JARID2: variants seen among roughly 807,000 people sequenced by gnomAD.
JARID2 encodes jumonji and AT-rich interaction domain containing 2.
JARID2 carries 21 observed loss-of-function variants against 125.6 expected under a neutral mutation model. The ratio of observed to expected loss-of-function variants is 0.17; its 90% confidence interval spans 0.12 to 0.24. The LOEUF is 0.24. JARID2 is among the 10% of genes least tolerant of loss of function. The probability of loss-of-function intolerance (pLI) is 1.00; values close to 1 mark genes in which losing one functional copy is unlikely to be tolerated. For synonymous variants in JARID2, 736 were observed against 661.6 expected, an observed-to-expected ratio of 1.11 and a Z score of -1.73; for missense variants, 1,303 against 1,639.6, an observed-to-expected ratio of 0.79 and a Z score of 3.55.
At chr6:15,312,618 C>G (rs1011233942) in intron 1 of JARID2, among the ~76,000 whole-genome samples, 4 of 152,156 alleles carry the variant, frequency 2.6e-5, no homozygotes, top group African/African-American at 9.7e-5. Flanking sequence ...GTGTCTACAT[C>G]CCTTCACTTT....
intron 1 of JARID2, among the ~76,000 whole-genome samples, chr6:15,293,936 G>A (rs1453346102): frequency 6.6e-6 from 1 of 152,208 alleles, no homozygotes; most frequent in Non-Finnish European, 1.5e-5. Context: ...TGCCTGCTCC[G>A]GAAGTTGATC....
chr6:15,335,860 G>T (rs1762859129), intron 1 of JARID2, among the ~76,000 whole-genome samples: 1 of 152,006 alleles, frequency 6.6e-6, no homozygotes, highest in Non-Finnish European at 1.5e-5. Flanking sequence ...TGGGAGTCTG[G>T]GGGACGGATT....
chr6:15,326,501 A>C (rs1440206979), intron 1 of JARID2, among the ~76,000 whole-genome samples: 1 of 151,990 alleles, frequency 6.6e-6, no homozygotes, highest in African/African-American at 2.4e-5. Context: ...TGTCAGTATT[A>C]ATGTTTTTAT....
At chr6:15,516,086 C>T (rs529237121) in intron 16 of JARID2, among the ~76,000 whole-genome samples, 25 of 151,784 alleles carry the variant, frequency 1.6e-4, no homozygotes, top group African/African-American at 5.8e-4. Flanking sequence ...ATTACTAATA[C>T]ATTTGTGAAT....
chr6:15,519,933 T>C lies in JARID2; in HGVS notation c.3559-136T>C, dbSNP rs887926473. The C allele has an allele frequency of 1.2e-5, 7 of 566,348 alleles. No individual in the cohort carries two copies. The African/African-American group carries it at 1.4e-4, about 11-fold the overall frequency. The allele number at this position is 566,348 out of a possible 1,614,324, so 35.1% of individuals were successfully genotyped here. On this transcript the variant is annotated intron_variant, in intron 17 of 17. Coordinates refer to ENST00000341776, the MANE Select transcript of JARID2 (RefSeq NM_004973.4). ...TCACTGCATCTGAGCCTCTCGGGGT[T>C]ATTTTAAAACCTGTTGGTTGGTGTG...
intron 1 of JARID2, among the ~76,000 whole-genome samples, chr6:15,314,467 A>C (rs944633134): frequency 3.3e-5 from 5 of 152,234 alleles, no homozygotes; most frequent in African/African-American, 1.2e-4. Flanking sequence ...TAATAAGTAA[A>C]CGGCATTTTG....
chr6:15,392,583 A>G (rs1022164449), intron 2 of JARID2, among the ~76,000 whole-genome samples: 2 of 150,792 alleles, frequency 1.3e-5, no homozygotes, highest in Admixed American at 1.3e-4. Context: ...ACTGTGTGTG[A>G]TGTTGGAAAC....
intron 3 of JARID2, among the ~76,000 whole-genome samples, chr6:15,428,904 T>C (rs964376895): frequency 1.4e-4 from 16 of 115,822 alleles, no homozygotes; most frequent in Non-Finnish European, 2.7e-4. Context: ...AGACTCTGTC[T>C]CAAAAAAACA....
At chr6:15,291,976 C>G (rs1761234347) in intron 1 of JARID2, among the ~76,000 whole-genome samples, 1 of 152,062 alleles carries the variant, frequency 6.6e-6, no homozygotes, top group Non-Finnish European at 1.5e-5. Flanking sequence ...TTTTCTGAAA[C>G]AAATGCCCTT....
At chr6:15,294,687 A>G (rs1263629601) in intron 1 of JARID2, among the ~76,000 whole-genome samples, 1 of 152,226 alleles carries the variant, frequency 6.6e-6, no homozygotes, top group Non-Finnish European at 1.5e-5. Flanking sequence ...CTGGAGAGGT[A>G]GAACTTGCTC....
chr6:15,271,764 C>G (rs1425165455), intron 1 of JARID2, among the ~76,000 whole-genome samples: 1 of 152,224 alleles, frequency 6.6e-6, no homozygotes, highest in Non-Finnish European at 1.5e-5. Context: ...CTTTGGGAGG[C>G]TGAGGCTGGC....
At chr6:15,247,405 T>C in intron 1 of JARID2, 1 of 981,638 alleles carries the variant, frequency 1.0e-6, no homozygotes, top group Non-Finnish European at 1.2e-6. Context: ...GGGAGTGTTT[T>C]TGTTTTGTGT....
chr6:15,511,825 T>G lies in JARID2; in HGVS notation c.2953-383T>G, dbSNP rs1771294006. Among the ~76,000 whole-genome samples the G allele has an allele frequency of 2.6e-5, 4 of 152,332 alleles. No homozygotes were observed. In the South Asian group the frequency reaches 8.3e-4, roughly 32 times the overall value. ...CTCTGCTGACCCTGCCGGTCCCGCC[T>G]GTCCATCTTAGAGAAGAGATGGACG... is the stretch of plus-strand genomic sequence containing the variant. On this transcript the variant is annotated intron_variant, in intron 13 of 17. Transcript: ENST00000341776.
chr6:15,418,690 G>A (rs1303406444), intron 3 of JARID2, among the ~76,000 whole-genome samples: 1 of 151,866 alleles, frequency 6.6e-6, no homozygotes, highest in Admixed American at 6.6e-5. Context: ...GATCCAATAG[G>A]ACTTAGTTTA....
chr6:15,420,802 C>T (rs1240150973), intron 3 of JARID2, among the ~76,000 whole-genome samples: 1 of 152,168 alleles, frequency 6.6e-6, no homozygotes, highest in Non-Finnish European at 1.5e-5. Flanking sequence ...GCATTGTTTC[C>T]CTGCTACTCA....
intron 1 of JARID2, among the ~76,000 whole-genome samples, chr6:15,348,216 C>T (rs568020459): frequency 2.0e-5 from 3 of 151,902 alleles, no homozygotes; most frequent in South Asian, 2.1e-4. Context: ...CTCAGCCTCC[C>T]GAATAGCTGG....
At chr6:15,357,295 A>C (rs973183762) in intron 1 of JARID2, among the ~76,000 whole-genome samples, 2 of 152,258 alleles carry the variant, frequency 1.3e-5, no homozygotes, top group African/African-American at 4.8e-5. Context: ...CAATTTTTAC[A>C]ACAGTGCAAC....
At chr6:15,515,330 A>T (rs898096185) in intron 16 of JARID2, among the ~76,000 whole-genome samples, 4 of 152,142 alleles carry the variant, frequency 2.6e-5, no homozygotes, top group South Asian at 2.1e-4. Flanking sequence ...TCTTGCTGGA[A>T]CACGCTATTC....
At chr6:15,333,842 GC>G (rs1043220469) in intron 1 of JARID2, among the ~76,000 whole-genome samples, 1 of 152,162 alleles carries the variant, frequency 6.6e-6, no homozygotes, top group African/African-American at 2.4e-5. Flanking sequence ...CAAAGTTGGT[GC>G]CATAACATAC....
Sources: allele counts gnomAD v4.1 joint callset (sites outside exome capture counted in the v4.1 genomes callset), GRCh38; gene constraint gnomAD v4.1.1; transcripts MANE v1.5; gene names NCBI Gene and HGNC (gene_info 2026-07-23, HGNC 2026-07-21).